DPP10: variants seen among roughly 807,000 people sequenced by gnomAD.
DPP10 encodes dipeptidyl peptidase like 10, also known as inactive dipeptidyl peptidase 10.
In DPP10, 33 loss-of-function variants were observed where a neutral mutation model predicts 120.9. The ratio of observed to expected loss-of-function variants is 0.27; its 90% CI spans 0.21 to 0.37. DPP10 has a LOEUF of 0.37. DPP10 is among the 10% of genes least tolerant of loss of function. The pLI is 1.00. For synonymous variants in DPP10, 337 were observed against 326.1 expected, an observed-to-expected ratio of 1.03 and a Z score of -0.36; for missense variants, 816 against 942.8, an observed-to-expected ratio of 0.87 and a Z score of 1.76.
intron 1 of DPP10, among the ~76,000 whole-genome samples, chr2:115,201,978 G>A (rs1468887192): frequency 6.6e-6 from 1 of 152,148 alleles, no homozygotes; most frequent in African/African-American, 2.4e-5. Flanking sequence ...CTTAGGATGA[G>A]GGTACTGCAT....
At chr2:114,544,859 AT>A (rs34800239) in intron 1 of DPP10, among the ~76,000 whole-genome samples, 4,599 of 148,804 alleles carry the variant, frequency 0.031, 183 homozygotes, top group African/African-American at 0.1. Flanking sequence ...AATATATTAA[AT>A]TTTTTTTTTT....
At chr2:115,423,583 G>C (rs573556056) in intron 3 of DPP10, among the ~76,000 whole-genome samples, 1 of 152,212 alleles carries the variant, frequency 6.6e-6, no homozygotes, top group South Asian at 2.1e-4. Flanking sequence ...CTTTGCCTGG[G>C]ACAGTAGCAG....
chr2:114,833,375 G>A lies in DPP10; in HGVS notation c.60+390537G>A, dbSNP rs558386512. The stretch of plus-strand genomic sequence containing the variant: ...AATTAAATTATCTAGATGTTTCCCA[G>A]GTTTCAGCTGATATATTTTTCTTAG... On this transcript the variant is annotated intron_variant, in intron 1 of 25. Transcript: ENST00000410059. The A allele has an allele frequency of 2.9e-4, 44 of 151,558 alleles. 1 individual carries two copies. Among genetic ancestry groups the A allele is most frequent in the Admixed American group, 2.9e-3 (44 of 15,198 alleles). The allele number at this position is 151,558 out of a possible 1,614,324, so 9.4% of individuals were successfully genotyped here. A position where few individuals can be genotyped will look rare whatever the true frequency, so the allele number is the denominator to read the frequency against.
At chr2:115,067,170 C>G (rs866452450) in intron 1 of DPP10, among the ~76,000 whole-genome samples, 2 of 152,232 alleles carry the variant, frequency 1.3e-5, no homozygotes, top group South Asian at 4.1e-4. Flanking sequence ...CTTTCTGTCC[C>G]TAGCTTATTT....
intron 1 of DPP10, among the ~76,000 whole-genome samples, chr2:114,922,552 T>G (rs1375803094): frequency 6.6e-6 from 1 of 152,176 alleles, no homozygotes. Flanking sequence ...CCTCAAGTGA[T>G]CCACCCGCCT....
rs559970847 is a variant in DPP10 at position 114,866,504 on chromosome 2, A to G, written c.60+423666A>G. Among the ~76,000 whole-genome samples the G allele has an allele frequency of 7.2e-5, 11 of 152,324 alleles. No homozygotes were observed. In the South Asian group the frequency reaches 2.3e-3, roughly 32 times the overall value. The stretch of plus-strand genomic sequence containing the variant: ...TTATTGGTGAATATTAAGCATTATG[A>G]AATATTAATGGTAATGTGTTGTAAG... On this transcript the variant is annotated intron_variant, in intron 1 of 25. Transcript: ENST00000410059.
rs188626360 is a variant in DPP10 at position 114,510,993 on chromosome 2, T to C, written c.60+68155T>C. On this transcript the variant is annotated intron_variant, in intron 1 of 25. Transcript: ENST00000410059. ...TTTAAAGCATTAGACGCAAAAGGTATTACAGACGCATTCAGGGATGATGGG... is the reference window on the plus strand; with the variant it reads ...TTTAAAGCATTAGACGCAAAAGGTACTACAGACGCATTCAGGGATGATGGG... Among the ~76,000 whole-genome samples the C allele has an allele frequency of 1.6e-4, 25 of 152,342 alleles. No individual in the cohort carries two copies. In the East Asian group the frequency reaches 2.5e-3, roughly 15 times the overall value.
intron 1 of DPP10, among the ~76,000 whole-genome samples, chr2:115,227,602 G>A (rs900284765): frequency 5.3e-5 from 8 of 151,970 alleles, no homozygotes; most frequent in Admixed American, 2.0e-4. Flanking sequence ...TTTGGTAGGC[G>A]CCAATATGTT....
chr2:115,278,523 C>CTGTA (rs1421030148), intron 1 of DPP10, among the ~76,000 whole-genome samples: 1 of 152,056 alleles, frequency 6.6e-6, no homozygotes, highest in Non-Finnish European at 1.5e-5. Context: ...GTCCTGCAGA[C>CTGTA]TGTACAAGAA....
intron 1 of DPP10, among the ~76,000 whole-genome samples, chr2:115,264,384 T>C (rs928608545): frequency 1.3e-5 from 2 of 152,146 alleles, no homozygotes; most frequent in African/African-American, 4.8e-5. Flanking sequence ...GCCTATCCTT[T>C]GCTGGGGAAT....
At chr2:115,771,682 A>T (rs1681492422) in intron 13 of DPP10, among the ~76,000 whole-genome samples, 1 of 152,062 alleles carries the variant, frequency 6.6e-6, no homozygotes, top group Admixed American at 6.6e-5. Flanking sequence ...GTGCTACATG[A>T]TTCTACTTAA....
chr2:115,013,462 G>A (rs1040135560), intron 1 of DPP10, among the ~76,000 whole-genome samples: 1 of 151,834 alleles, frequency 6.6e-6, no homozygotes, highest in Non-Finnish European at 1.5e-5. Flanking sequence ...GAATCTGATG[G>A]TTATGTGTCT....
intron 1 of DPP10, among the ~76,000 whole-genome samples, chr2:114,740,752 G>A (rs942071147): frequency 1.3e-5 from 2 of 152,178 alleles, no homozygotes; most frequent in Admixed American, 6.5e-5. Flanking sequence ...AAGGTCTGAT[G>A]TTGGAGGCAG....
At chr2:115,444,820 T>C (rs983730148) in intron 3 of DPP10, among the ~76,000 whole-genome samples, 2 of 152,210 alleles carry the variant, frequency 1.3e-5, no homozygotes, top group Non-Finnish European at 2.9e-5. Context: ...TGGAATTTTT[T>C]CACAGGTTAG....
chr2:114,902,902 G>A (rs907137303), intron 1 of DPP10, among the ~76,000 whole-genome samples: 2 of 152,090 alleles, frequency 1.3e-5, no homozygotes, highest in African/African-American at 4.8e-5. Flanking sequence ...TATCATTATA[G>A]TTTTAAACAG....
At chr2:115,636,195 A>C (rs1452774329) in intron 5 of DPP10, among the ~76,000 whole-genome samples, 1 of 151,962 alleles carries the variant, frequency 6.6e-6, no homozygotes, top group Non-Finnish European at 1.5e-5. Context: ...ATGCTTTGCG[A>C]GACAGCTACC....
chr2:115,281,347 T>G (rs1196979733), intron 1 of DPP10, among the ~76,000 whole-genome samples: 1 of 152,176 alleles, frequency 6.6e-6, no homozygotes, highest in Non-Finnish European at 1.5e-5. Flanking sequence ...TAGCTAGAAG[T>G]AAGGCAGAAT....
intron 1 of DPP10, among the ~76,000 whole-genome samples, chr2:114,490,647 G>C (rs942948464): frequency 3.3e-5 from 5 of 152,172 alleles, no homozygotes; most frequent in African/African-American, 1.2e-4. Flanking sequence ...AGCAAAGGGG[G>C]AGAAGAGGGA....
chr2:114,730,248 A>T (rs1676763213), intron 1 of DPP10, among the ~76,000 whole-genome samples: 1 of 152,202 alleles, frequency 6.6e-6, no homozygotes, highest in Non-Finnish European at 1.5e-5. Context: ...AGAATAATTC[A>T]TGCCTGTTTT....
Sources: gnomAD v4.1 joint callset for allele counts (sites outside exome capture counted in the v4.1 genomes callset) on GRCh38, gnomAD v4.1.1 for gene constraint, MANE v1.5 for transcripts, NCBI Gene and HGNC (gene_info 2026-07-23, HGNC 2026-07-21) for gene names.